Variants in ADGRL2 observed in about 807,000 individuals in gnomAD.
The protein encoded by ADGRL2 is calcium-independent alpha-latrotoxin receptor 2.
ADGRL2 carries 44 observed loss-of-function variants against 157.4 expected under a neutral mutation model. The ratio of observed to expected loss-of-function variants is 0.28; its 90% CI spans 0.22 to 0.36. The LOEUF (loss-of-function observed/expected upper bound fraction) is 0.36, where lower values mean the gene tolerates loss of function less well. ADGRL2 is among the 10% of genes least tolerant of loss of function. The probability of loss-of-function intolerance (pLI) is 1.00; values close to 1 mark genes in which losing one functional copy is unlikely to be tolerated. For missense variants in ADGRL2, 1,510 were observed against 1,768.9 expected, an observed-to-expected ratio of 0.85 and a Z score of 2.63; for synonymous variants, 585 against 624.7, an observed-to-expected ratio of 0.94 and a Z score of 0.95.
intron 1 of ADGRL2, among the ~76,000 whole-genome samples, chr1:81,425,024 T>C (rs891153919): frequency 2.6e-5 from 4 of 152,230 alleles, no homozygotes; most frequent in African/African-American, 9.6e-5. Flanking sequence ...TAATACTCTG[T>C]TTCTGGGAAT....
chr1:81,848,537 TAA>T (rs779648559), intron 2 of ADGRL2, among the ~76,000 whole-genome samples: 1 of 151,962 alleles, frequency 6.6e-6, no homozygotes, highest in Non-Finnish European at 1.5e-5. Context: ...CAAGAATATT[TAA>T]AGTATACTTT....
At chr1:81,850,714 C>T (rs907015975) in intron 2 of ADGRL2, among the ~76,000 whole-genome samples, 6 of 151,796 alleles carry the variant, frequency 4.0e-5, no homozygotes, top group African/African-American at 1.5e-4. Context: ...TACAGTAAGC[C>T]ACAAGTAGTT....
At chr1:81,671,518 CT>C (rs34319033) in intron 3 of ADGRL2, among the ~76,000 whole-genome samples, 84,383 of 147,588 alleles carry the variant, frequency 0.57, 24,140 homozygotes, top group Middle Eastern at 0.62. Context: ...TCTGAAATTC[CT>C]TTTTTTTTTT....
intron 1 of ADGRL2, among the ~76,000 whole-genome samples, chr1:81,406,833 G>A (rs183121114): frequency 4.6e-5 from 7 of 152,280 alleles, no homozygotes; most frequent in Non-Finnish European, 8.8e-5. Flanking sequence ...ACCAATTTGA[G>A]CTTGTCAGTC....
intron 1 of ADGRL2, among the ~76,000 whole-genome samples, chr1:81,817,968 G>A (rs709693): frequency 0.99 from 151,212 of 152,056 alleles, 75,196 homozygotes; most frequent in Middle Eastern, 1. Context: ...GTTCGAGATC[G>A]GCCTGGGTAA....
chr1:81,880,077 T>G (rs915685870), intron 2 of ADGRL2, among the ~76,000 whole-genome samples: 3 of 152,194 alleles, frequency 2.0e-5, no homozygotes, highest in African/African-American at 7.2e-5. Flanking sequence ...AAATAAGTTG[T>G]ATTTTGGATC....
chr1:81,390,966 A>T (rs2076538587), intron 1 of ADGRL2, among the ~76,000 whole-genome samples: 1 of 152,306 alleles, frequency 6.6e-6, no homozygotes, highest in Non-Finnish European at 1.5e-5. Flanking sequence ...GTATTTTCTC[A>T]ATCAAAAGAT....
chr1:81,739,380 T>C (rs980277330), intron 1 of ADGRL2, among the ~76,000 whole-genome samples: 1 of 152,164 alleles, frequency 6.6e-6, no homozygotes, highest in Non-Finnish European at 1.5e-5. Context: ...TACCAGCATA[T>C]AGTAATTGCC....
At chr1:81,760,384 C>T (rs777764093) in intron 1 of ADGRL2, among the ~76,000 whole-genome samples, 28 of 152,058 alleles carry the variant, frequency 1.8e-4, no homozygotes, top group African/African-American at 5.1e-4. Context: ...TGATAGTCAA[C>T]GCACTGCCAA....
chr1:81,738,024 G>T (rs889097203), intron 1 of ADGRL2, among the ~76,000 whole-genome samples: 3 of 152,012 alleles, frequency 2.0e-5, no homozygotes, highest in Admixed American at 2.0e-4. Flanking sequence ...GATAGAGTGT[G>T]GTAGGACAGA....
intron 3 of ADGRL2, among the ~76,000 whole-genome samples, chr1:81,665,087 G>C (rs990386982): frequency 2.0e-5 from 3 of 152,172 alleles, no homozygotes; most frequent in Non-Finnish European, 4.4e-5. Flanking sequence ...TCTGATCAAG[G>C]CACAGTGATG....
intron 1 of ADGRL2, among the ~76,000 whole-genome samples, chr1:81,330,396 T>G (rs4362025): frequency 0.23 from 35,492 of 151,966 alleles, 4,523 homozygotes; most frequent in Middle Eastern, 0.36. Flanking sequence ...CATTTCTATA[T>G]CAACATGTAT....
intron 1 of ADGRL2, among the ~76,000 whole-genome samples, chr1:81,338,287 C>T (rs1212193155): frequency 2.6e-5 from 4 of 152,026 alleles, no homozygotes; most frequent in African/African-American, 4.8e-5. Flanking sequence ...CTCTTAAACC[C>T]GGGAGGCAGA....
chr1:81,817,814 A>G (rs2090563580), intron 1 of ADGRL2, among the ~76,000 whole-genome samples: 1 of 151,702 alleles, frequency 6.6e-6, no homozygotes, highest in Non-Finnish European at 1.5e-5. Flanking sequence ...TCTACCTCTC[A>G]CTCCTAGTTT....
chr1:81,867,996 A>G (rs1311648404), intron 2 of ADGRL2, among the ~76,000 whole-genome samples: 4 of 152,036 alleles, frequency 2.6e-5, no homozygotes, highest in Non-Finnish European at 4.4e-5. Flanking sequence ...ATGGGCACAA[A>G]TAATTATGCC....
chr1:81,482,637 A>G (rs1051173711), intron 2 of ADGRL2, among the ~76,000 whole-genome samples: 28 of 152,170 alleles, frequency 1.8e-4, no homozygotes, highest in Non-Finnish European at 4.4e-5. Flanking sequence ...TCTAGATAGT[A>G]GTAATTATAA....
At chr1:81,891,487 A>AC in intron 2 of ADGRL2, among the ~76,000 whole-genome samples, 1 of 152,266 alleles carries the variant, frequency 6.6e-6, no homozygotes, top group Non-Finnish European at 1.5e-5. Flanking sequence ...ACAGCCATAC[A>AC]AACAAATCCT....
chr1:81,562,114 T>C (rs2080456779), intron 2 of ADGRL2, among the ~76,000 whole-genome samples: 1 of 152,150 alleles, frequency 6.6e-6, no homozygotes, highest in African/African-American at 2.4e-5. Context: ...CAATACATAG[T>C]TCTGGTTGCA....
intron 3 of ADGRL2, among the ~76,000 whole-genome samples, chr1:81,583,811 C>T (rs1379773127): frequency 6.6e-6 from 1 of 152,102 alleles, no homozygotes; most frequent in African/African-American, 2.4e-5. Context: ...AAGACATTTG[C>T]AATTAGAAGA....
Sources: allele counts gnomAD v4.1 joint callset (sites outside exome capture counted in the v4.1 genomes callset), GRCh38; gene constraint gnomAD v4.1.1; transcripts MANE v1.5; gene names NCBI Gene and HGNC (gene_info 2026-07-23, HGNC 2026-07-21).